SCPPPQ1: variants seen among roughly 807,000 people sequenced by gnomAD.
SCPPPQ1 encodes the protein secretory calcium-binding phosphoprotein proline- and glutamine-rich 1.
the SCPPPQ1 span, among the ~76,000 whole-genome samples, chr4:87,463,330 C>A: frequency 1.0e-3 from 138 of 137,292 alleles, no homozygotes; most frequent in African/African-American, 2.8e-3. Flanking sequence ...AAAAAAAAAA[C>A]AACAAAAAAA....
At chr4:87,464,377 C>T in the SCPPPQ1 span, among the ~76,000 whole-genome samples, 2 of 151,886 alleles carry the variant, frequency 1.3e-5, no homozygotes, top group South Asian at 4.2e-4. Flanking sequence ...CCCCCCCAAC[C>T]CCAAACCTAT....
chr4:87,469,493 CT>C, the SCPPPQ1 span, among the ~76,000 whole-genome samples: 12 of 152,248 alleles, frequency 7.9e-5, no homozygotes, highest in East Asian at 2.1e-3. Flanking sequence ...TTCCGCTTTC[CT>C]CTTTTGTGAA....
the SCPPPQ1 span, among the ~76,000 whole-genome samples, chr4:87,465,678 AT>A: frequency 1.3e-5 from 2 of 151,632 alleles, no homozygotes; most frequent in Non-Finnish European, 2.9e-5. Flanking sequence ...CTATCCATCC[AT>A]CCCTACAATA....
At chr4:87,463,322 A>AC in the SCPPPQ1 span, among the ~76,000 whole-genome samples, 14,379 of 146,392 alleles carry the variant, frequency 0.098, 767 homozygotes, top group Non-Finnish European at 0.13. Context: ...AAAAGTTAAA[A>AC]AAAAAAACAA....
chr4:87,468,042 G>A, the SCPPPQ1 span, among the ~76,000 whole-genome samples: 1 of 152,172 alleles, frequency 6.6e-6, no homozygotes, highest in Non-Finnish European at 1.5e-5. Flanking sequence ...ACAAGGTAAA[G>A]CAGCATATGG....
chr4:87,469,162 G>C, the SCPPPQ1 span, among the ~76,000 whole-genome samples: 1 of 152,130 alleles, frequency 6.6e-6, no homozygotes, highest in Non-Finnish European at 1.5e-5. Context: ...GAGATGGTTT[G>C]GGGCAAGGGC....
At chr4:87,463,397 T>G in the SCPPPQ1 span, among the ~76,000 whole-genome samples, 5 of 152,008 alleles carry the variant, frequency 3.3e-5, no homozygotes, top group African/African-American at 9.7e-5. Context: ...TATTATAGCA[T>G]AAAAATAGAG....
chr4:87,468,343 C>T, the SCPPPQ1 span, among the ~76,000 whole-genome samples: 1 of 152,162 alleles, frequency 6.6e-6, no homozygotes, highest in East Asian at 1.9e-4. Flanking sequence ...ATTTAGTTCT[C>T]AGTAGTTATA....
chr4:87,469,204 A>G, the SCPPPQ1 span, among the ~76,000 whole-genome samples: 1 of 152,196 alleles, frequency 6.6e-6, no homozygotes, highest in Non-Finnish European at 1.5e-5. Context: ...AAACTGCTTA[A>G]TTTAGACCTG....
chr4:87,465,719 T>C, the SCPPPQ1 span, among the ~76,000 whole-genome samples: 1 of 152,092 alleles, frequency 6.6e-6, no homozygotes, highest in South Asian at 2.1e-4. Flanking sequence ...ATATCTAGGG[T>C]TTAGGGATAG....
chr4:87,463,586 ATTAT>A, the SCPPPQ1 span, among the ~76,000 whole-genome samples: 3,383 of 152,242 alleles, frequency 0.022, 135 homozygotes, highest in African/African-American at 0.077. Context: ...TGCTTAGTAT[ATTAT>A]TTATATGATA....
the SCPPPQ1 span, chr4:87,462,211 C>G: frequency 6.6e-6 from 1 of 152,164 alleles, no homozygotes; most frequent in South Asian, 2.1e-4. Flanking sequence ...CAGCATAGAG[C>G]TTAATCTCTC....
the SCPPPQ1 span, among the ~76,000 whole-genome samples, chr4:87,470,648 T>C: frequency 6.6e-6 from 1 of 152,154 alleles, no homozygotes; most frequent in Admixed American, 6.5e-5. Flanking sequence ...TCAAACCAAA[T>C]CACTGTATTC....
the SCPPPQ1 span, chr4:87,461,006 TGTTA>T: frequency 4.4e-4 from 67 of 152,644 alleles, no homozygotes; most frequent in African/African-American, 1.5e-3. Flanking sequence ...AAAAACAAAA[TGTTA>T]GTTTCAGATA....
chr4:87,462,785 G>A, the SCPPPQ1 span, among the ~76,000 whole-genome samples: 1 of 152,078 alleles, frequency 6.6e-6, no homozygotes, highest in South Asian at 2.1e-4. Context: ...ATCTCTTGAG[G>A]TCAGGAGTTT....
At chr4:87,463,973 T>TG in the SCPPPQ1 span, among the ~76,000 whole-genome samples, 1 of 152,324 alleles carries the variant, frequency 6.6e-6, no homozygotes, top group South Asian at 2.1e-4. Context: ...CTTGTTGAGC[T>TG]GTCTGTCTTA....
the SCPPPQ1 span, among the ~76,000 whole-genome samples, chr4:87,464,129 G>A: frequency 6.6e-6 from 1 of 152,174 alleles, no homozygotes; most frequent in Non-Finnish European, 1.5e-5. Flanking sequence ...GATGTTGAAT[G>A]TAGTATTTAT....
the SCPPPQ1 span, among the ~76,000 whole-genome samples, chr4:87,464,013 A>G: frequency 6.6e-6 from 1 of 152,028 alleles, no homozygotes; most frequent in African/African-American, 2.4e-5. Context: ...TAAGCTAAAC[A>G]CTGTCCCAAC....
At chr4:87,462,852 G>C in the SCPPPQ1 span, among the ~76,000 whole-genome samples, 1 of 152,146 alleles carries the variant, frequency 6.6e-6, no homozygotes, top group Non-Finnish European at 1.5e-5. Context: ...GTAAAAATTA[G>C]CCAGGTGTGG....
Sources: allele counts gnomAD v4.1 joint callset (sites outside exome capture counted in the v4.1 genomes callset), GRCh38; gene constraint gnomAD v4.1.1; transcripts MANE v1.5; gene names NCBI Gene and HGNC (gene_info 2026-07-23, HGNC 2026-07-21).